The following BORCS5 variants were observed in gnomAD, a reference collection of about 807,000 sequenced individuals.
BORCS5 encodes the protein BLOC-1-related complex subunit 5.
A neutral mutation model predicts 22.1 loss-of-function variants in BORCS5; 17 were observed. The ratio of observed to expected loss-of-function variants is 0.77; its 90% CI spans 0.53 to 1.15. The LOEUF (loss-of-function observed/expected upper bound fraction) is 1.15. Among genes scored for constraint, BORCS5 ranks in the 50% most tolerant of loss-of-function variants. The pLI is 0.00. For missense variants in BORCS5, 247 were observed against 253.2 expected (o/e 0.98, Z 0.17); for synonymous variants, 117 against 99.8 (o/e 1.17, Z -1.03).
rs576114031 is a variant in BORCS5, at chr12:12,421,249, T to A, written c.203-14379T>A. Among the ~76,000 whole-genome samples the A allele has an allele frequency of 1.4e-4, 22 of 152,324 alleles. No homozygotes were observed. In the South Asian group the frequency reaches 4.6e-3, roughly 32 times the overall value. ...ATCAATACCCAGTTTATTGAGAGTT[T>A]TTAGCATGAAGCGCTGTTGAATTTT... On this transcript the variant is annotated intron_variant, in intron 2 of 3. Coordinates refer to ENST00000314565, the MANE Select transcript of BORCS5 (RefSeq NM_058169.6).
At chr12:12,384,095 C>T (rs1304220864) in intron 2 of BORCS5, among the ~76,000 whole-genome samples, 5 of 151,056 alleles carry the variant, frequency 3.3e-5, no homozygotes, top group Admixed American at 3.3e-4. Context: ...TACTTTTCAA[C>T]TCCAAGATTT....
chr12:12,438,363 A>AAAAAAAAC (rs1942599790), intron 3 of BORCS5, among the ~76,000 whole-genome samples: 2 of 112,406 alleles, frequency 1.8e-5, no homozygotes, highest in Non-Finnish European at 3.6e-5. Context: ...TTCATCTCAA[A>AAAAAAAAC]AAAAAAAAAA....
chr12:12,416,340 C>T (rs567810146), intron 2 of BORCS5, among the ~76,000 whole-genome samples: 2 of 151,184 alleles, frequency 1.3e-5, no homozygotes, highest in African/African-American at 4.9e-5. Context: ...TTGGTCTAAT[C>T]TTTCTTATTT....
At chr12:12,455,131 G>A (rs1332867377) in intron 3 of BORCS5, among the ~76,000 whole-genome samples, 1 of 152,184 alleles carries the variant, frequency 6.6e-6, no homozygotes, top group Non-Finnish European at 1.5e-5. Context: ...TAGCTACAAA[G>A]TACTTACAAT....
At chr12:12,390,033 T>C (rs769276409) in intron 2 of BORCS5, among the ~76,000 whole-genome samples, 1 of 152,122 alleles carries the variant, frequency 6.6e-6, no homozygotes, top group Non-Finnish European at 1.5e-5. Flanking sequence ...TTCCCACCTC[T>C]AAACTTTGCC....
At position 12,466,805 on chromosome 12, in the gene BORCS5, C is replaced by T. The variant is rs917574863; in HGVS notation, c.*1029C>T. 1 of 152,184 alleles carries T rather than the reference C, an allele frequency of 6.6e-6. No individual in the cohort carries two copies. Among genetic ancestry groups the T allele is most frequent in the African/African-American group, 2.4e-5 (1 of 41,432 alleles). The allele number at this position is 152,184 out of a possible 1,614,324, so 9.4% of individuals were successfully genotyped here. A position where few individuals can be genotyped will look rare whatever the true frequency, so the allele number is the denominator to read the frequency against. On this transcript the variant is annotated 3_prime_UTR_variant, in exon 4 of 4. Coordinates refer to ENST00000314565, the MANE Select transcript of BORCS5 (RefSeq NM_058169.6). ...GGCCAGGACGGCATGCAGGCCTGTA[C>T]CCTGTTCCCTAAGTTCCTGCAAGCG...
rs1941957961 is a variant in BORCS5, at chr12:12,416,446, T to C, written c.203-19182T>C. On this transcript the variant is annotated intron_variant, in intron 2 of 3. Transcript: ENST00000314565. ...GTGAGATCTTTCTTTTTATTTTTTA[T>C]TTTATTTTATTTTTTAGAGATGGGT... Among the ~76,000 whole-genome samples, 11 of 152,010 alleles carry C rather than the reference T, an allele frequency of 7.2e-5. No homozygotes were observed. The South Asian group carries it at 2.3e-3, about 32-fold the overall frequency.
chr12:12,405,810 C>A (rs565363409), intron 2 of BORCS5, among the ~76,000 whole-genome samples: 1 of 152,214 alleles, frequency 6.6e-6, no homozygotes, highest in Admixed American at 6.5e-5. Flanking sequence ...TTTACTAATA[C>A]AGAAACTGAA....
At chr12:12,396,158 T>A (rs1193697053) in intron 2 of BORCS5, among the ~76,000 whole-genome samples, 1 of 151,832 alleles carries the variant, frequency 6.6e-6, no homozygotes, top group East Asian at 1.9e-4. Flanking sequence ...CAGCTAATTT[T>A]TGTATTTTTA....
At chr12:12,422,516 G>A (rs1268416026) in intron 2 of BORCS5, among the ~76,000 whole-genome samples, 7 of 151,700 alleles carry the variant, frequency 4.6e-5, no homozygotes, top group East Asian at 1.9e-4. Flanking sequence ...TGGAAGAATC[G>A]TTTGAACCCA....
At chr12:12,378,083 T>C (rs542334469) in intron 2 of BORCS5, among the ~76,000 whole-genome samples, 1 of 152,238 alleles carries the variant, frequency 6.6e-6, no homozygotes, top group South Asian at 2.1e-4. Flanking sequence ...TTTTAAAGTC[T>C]ATTATAGGCC....
intron 2 of BORCS5, among the ~76,000 whole-genome samples, chr12:12,397,337 T>A (rs1298447612): frequency 6.6e-6 from 1 of 152,220 alleles, no homozygotes; most frequent in Non-Finnish European, 1.5e-5. Context: ...ATGCTCAAGT[T>A]GTTACACAGT....
intron 3 of BORCS5, among the ~76,000 whole-genome samples, chr12:12,459,585 C>T (rs1943065407): frequency 3.3e-5 from 5 of 152,228 alleles, no homozygotes; most frequent in Non-Finnish European, 7.3e-5. Flanking sequence ...TCTGGGATTA[C>T]AGGCGTGAGC....
intron 2 of BORCS5, among the ~76,000 whole-genome samples, chr12:12,428,946 A>C (rs572701488): frequency 3.2e-4 from 49 of 152,346 alleles, no homozygotes; most frequent in South Asian, 2.9e-3. Flanking sequence ...TTCAAGGTTC[A>C]TTCTCTATTA....
At chr12:12,409,552 C>T (rs1018495392) in intron 2 of BORCS5, among the ~76,000 whole-genome samples, 54 of 152,278 alleles carry the variant, frequency 3.5e-4, no homozygotes, top group African/African-American at 1.2e-3. Context: ...CTACAAAGGA[C>T]ATGAACTCAT....
chr12:12,456,636 T>C (rs1391450215), intron 3 of BORCS5, among the ~76,000 whole-genome samples: 1 of 152,248 alleles, frequency 6.6e-6, no homozygotes, highest in Non-Finnish European at 1.5e-5. Context: ...TGTACGCCTA[T>C]GTATTTTTAT....
intron 2 of BORCS5, among the ~76,000 whole-genome samples, chr12:12,405,438 T>C (rs955164288): frequency 2.0e-5 from 3 of 152,234 alleles, no homozygotes; most frequent in African/African-American, 7.2e-5. Context: ...AATCATTAAT[T>C]GATAACATTA....
chr12:12,365,749 A>G (rs1863394122), intron 2 of BORCS5, among the ~76,000 whole-genome samples: 1 of 152,192 alleles, frequency 6.6e-6, no homozygotes, highest in South Asian at 2.1e-4. Context: ...CCATGCTTCT[A>G]CATAATAGCT....
chr12:12,414,356 C>T (rs374485418), intron 2 of BORCS5, among the ~76,000 whole-genome samples: 7,258 of 70,260 alleles, frequency 0.1, 1,481 homozygotes, highest in African/African-American at 0.24. Flanking sequence ...ACCTCCCTCC[C>T]GGACGGGGTG....
Sources: gnomAD v4.1 joint callset for allele counts (sites outside exome capture counted in the v4.1 genomes callset) on GRCh38, gnomAD v4.1.1 for gene constraint, MANE v1.5 for transcripts, NCBI Gene and HGNC (gene_info 2026-07-23, HGNC 2026-07-21) for gene names.